STMN4: variants seen among roughly 807,000 people sequenced by gnomAD.
The protein encoded by STMN4 is stathmin-4.
Under a neutral mutation model 29.1 loss-of-function variants are expected in STMN4, and 12 were observed. The observed-to-expected ratio is 0.41, with a 90% CI of 0.26 to 0.67. The LOEUF (loss-of-function observed/expected upper bound fraction) is 0.67. STMN4 is among the 30% of genes least tolerant of loss of function. The pLI is 0.30. For synonymous variants in STMN4, 114 were observed against 105.3 expected (o/e 1.08, Z -0.51); for missense variants, 181 against 262.8 (o/e 0.69, Z 2.15).
At chr8:27,256,339 G>A (rs1489777458) in intron 1 of STMN4, among the ~76,000 whole-genome samples, 3 of 151,852 alleles carry the variant, frequency 2.0e-5, no homozygotes, top group Non-Finnish European at 4.4e-5. Context: ...AAATAGAATG[G>A]CAAATTTTAT....
At chr8:27,257,697 G>C (rs901924755) in intron 1 of STMN4, among the ~76,000 whole-genome samples, 13 of 152,134 alleles carry the variant, frequency 8.5e-5, no homozygotes, top group African/African-American at 2.9e-4. Context: ...GAATAAGGAG[G>C]GGGACTGGCC....
chr8:27,235,969 G>A lies in STMN4; in HGVS notation c.*877C>T, dbSNP rs1801301601. 1 of 152,218 alleles carries A rather than the reference G, an allele frequency of 6.6e-6. No individual in the cohort carries two copies. Among genetic ancestry groups the A allele is most frequent in the South Asian group, 2.1e-4 (1 of 4,830 alleles). 9.4% of individuals were successfully genotyped at this position (152,218 alleles called of 1,614,324 possible). A position where few individuals can be genotyped will look rare whatever the true frequency, so the allele number is the denominator to read the frequency against. On this transcript the variant is annotated 3_prime_UTR_variant, in exon 7 of 7. Transcript: ENST00000350889. ...CAGCAGTCTGAACGGTTGTGACTAA[G>A]ACAAATTCCTTCTTACAGTGCATCT...
At chr8:27,242,277 C>A in intron 3 of STMN4, 120 bp downstream of exon 3, 2 of 1,019,166 alleles carry the variant, frequency 2.0e-6, no homozygotes, top group Non-Finnish European at 3.0e-6. Context: ...TTCATCGGCA[C>A]TGGGAAGGAA....
chr8:27,241,870 G>A (rs958063876), intron 3 of STMN4, 113 bp from the exon 4 acceptor site: 26 of 1,286,498 alleles, frequency 2.0e-5, no homozygotes, highest in Middle Eastern at 1.9e-4. Flanking sequence ...CCTGGTCCCC[G>A]AGCACCCCTG....
rs1296632603 is a variant in STMN4 at position 27,236,718 on chromosome 8, A to G, written c.*128T>C. 4.1e-6 allele frequency: 3 copies of G among 725,488 alleles called. No homozygotes were observed. The African/African-American group carries it at 5.5e-5, about 13-fold the overall frequency. 44.9% of individuals were successfully genotyped at this position (725,488 alleles called of 1,614,324 possible). On this transcript the variant is annotated 3_prime_UTR_variant, in exon 7 of 7. Coordinates refer to ENST00000350889, the MANE Select transcript of STMN4 (RefSeq NM_030795.4). Reference sequence around the variant, plus strand: ...TGTACAAACACCAAAAGCAGAGGAAACGCCCCTTGGCCACCCCCCTCCCCC... The same window carrying G: ...TGTACAAACACCAAAAGCAGAGGAAGCGCCCCTTGGCCACCCCCCTCCCCC...
At position 27,241,171 on chromosome 8, in the gene STMN4, G is replaced by C; in HGVS notation, c.282C>G (p.Ile94Met). 6.2e-7 allele frequency: 1 copy of C among 1,614,238 alleles called. No individual in the cohort carries two copies. ...KCTSGQSFEV[I>M]LKPPSFDGVP... ...CCCCATCAAAGGAGGGTGGCTTCAG[G>C]ATGACTTCAAAGGATTGGCCCGAGG... The change falls in exon 5 of 7, where the codon ATC (isoleucine) becomes ATG (methionine). Residue 94 changes from isoleucine (I) to methionine (M), a missense_variant. Ile to Met is a conservative substitution (Grantham distance 10, BLOSUM62 1). Transcript: ENST00000350889.
Position 27,242,413 on chromosome 8 carries a change from C to G in STMN4, c.93G>C (p.Ser31=). The change falls in exon 3 of 7, where the codon TCG becomes TCC. Residue 31 remains serine, a synonymous_variant. Transcript: ENST00000350889. ...SCFLADPLNK[S]SYKYEGWCGR... is the part of the protein sequence containing the mutation. ...TTCACTGACCTTCATATTTGTAGGA[C>G]GACTTATTCAGGGGATCGGCCAGGA... is the stretch of plus-strand genomic sequence containing the variant. 6.2e-7 allele frequency: 1 copy of G among 1,614,118 alleles called. No homozygotes were observed. Among genetic ancestry groups the G allele is most frequent in the Non-Finnish European group, 8.5e-7 (1 of 1,180,006 alleles).
At chr8:27,252,670 C>T (rs1382907542) in intron 1 of STMN4, among the ~76,000 whole-genome samples, 2 of 152,198 alleles carry the variant, frequency 1.3e-5, no homozygotes, top group Non-Finnish European at 2.9e-5. Flanking sequence ...AGGTAAGTGA[C>T]TTGATTTGCC....
At chr8:27,246,512 A>G (rs1420008928) in intron 1 of STMN4, among the ~76,000 whole-genome samples, 3 of 152,196 alleles carry the variant, frequency 2.0e-5, no homozygotes, top group Non-Finnish European at 1.5e-5. Flanking sequence ...AATGTCCCCT[A>G]CATGCATACA....
intron 1 of STMN4, among the ~76,000 whole-genome samples, chr8:27,251,792 T>C (rs1801794434): frequency 8.1e-6 from 1 of 123,398 alleles, no homozygotes; most frequent in African/African-American, 3.0e-5. Context: ...ATTTCTTTTT[T>C]GCCATCTTTT....
At chr8:27,252,651 C>T (rs1801824069) in intron 1 of STMN4, among the ~76,000 whole-genome samples, 1 of 152,126 alleles carries the variant, frequency 6.6e-6, no homozygotes, top group Non-Finnish European at 1.5e-5. Context: ...CTTAATAGAT[C>T]ATCAATTTAG....
chr8:27,246,635 T>C (rs1429290518), intron 1 of STMN4, among the ~76,000 whole-genome samples: 1 of 152,102 alleles, frequency 6.6e-6, no homozygotes, highest in East Asian at 1.9e-4. Context: ...TTAAACCCAA[T>C]GGCAAGTGTC....
chr8:27,239,397 G>C, intron 6 of STMN4: 1 of 1,195,642 alleles, frequency 8.4e-7, no homozygotes, highest in East Asian at 2.6e-5. Flanking sequence ...GTATTCTGCT[G>C]ACACACAGAA....
rs150260843 is a variant in STMN4, at chr8:27,247,254, C to CA, written c.-78-3454dup. Among the ~76,000 whole-genome samples, 1,024 of 107,738 alleles carry CA rather than the reference C, an allele frequency of 9.5e-3. 18 individuals carry two copies. The highest frequency in any genetic ancestry group is 0.019 in the African/African-American group (520 of 27,342). The allele number at this position is 107,738 out of a possible 152,430, so 70.7% of individuals were successfully genotyped here. ...TGGGTGAGAGAGTGAGACTTTGTCT[C>CA]AAAAAAAAAAAAAAAAAAAGATGAT... On this transcript the variant is annotated intron_variant, in intron 1 of 6. Transcript: ENST00000350889.
chr8:27,244,420 C>T (rs1801566170), intron 1 of STMN4, among the ~76,000 whole-genome samples: 1 of 152,160 alleles, frequency 6.6e-6, no homozygotes, highest in African/African-American at 2.4e-5. Context: ...ATCACAGGGC[C>T]AGCCAGCACA....
At chr8:27,236,939 A>T (rs753103490) in intron 6 of STMN4, 34 bp from the exon 7 acceptor site, 1 of 1,594,640 alleles carries the variant, frequency 6.3e-7, no homozygotes. Context: ...GGCAGGTCAC[A>T]CAAGGCTGCC....
chr8:27,254,746 G>A (rs1801891701), intron 1 of STMN4, among the ~76,000 whole-genome samples: 1 of 141,674 alleles, frequency 7.1e-6, no homozygotes, highest in African/African-American at 2.7e-5. Flanking sequence ...ACTCATATAT[G>A]TGTGTGTAGG....
At chr8:27,239,715 C>T (rs1043682415) in intron 6 of STMN4, 2 of 1,455,252 alleles carry the variant, frequency 1.4e-6, no homozygotes, top group South Asian at 1.5e-5. Context: ...TATATGCTCC[C>T]TAAGGCAATG....
At chr8:27,257,416 G>A (rs1380405506) in intron 1 of STMN4, among the ~76,000 whole-genome samples, 1 of 149,628 alleles carries the variant, frequency 6.7e-6, no homozygotes, top group African/African-American at 2.5e-5. Flanking sequence ...ATTCAGATAA[G>A]GGTGCCTGAA....
Sources: gnomAD v4.1 joint callset for allele counts (sites outside exome capture counted in the v4.1 genomes callset) on GRCh38, gnomAD v4.1.1 for gene constraint, MANE v1.5 for transcripts, NCBI Gene and HGNC (gene_info 2026-07-23, HGNC 2026-07-21) for gene names.